The following LYPD6B variants were observed in gnomAD, a reference collection of about 807,000 sequenced individuals.
The protein encoded by LYPD6B is ly6/PLAUR domain-containing protein 6B.
In LYPD6B, 17 loss-of-function variants were observed where a neutral mutation model predicts 22.8. The ratio of observed to expected loss-of-function variants is 0.75; its 90% CI spans 0.51 to 1.12. The LOEUF is 1.12. Among genes scored for constraint, LYPD6B ranks in the 50% most tolerant of loss-of-function variants. The pLI is 0.00. For missense variants in LYPD6B, 221 were observed against 258.3 expected, an observed-to-expected ratio of 0.86 and a Z score of 0.99; for synonymous variants, 106 against 91.6, an observed-to-expected ratio of 1.16 and a Z score of -0.90.
intron 1 of LYPD6B, among the ~76,000 whole-genome samples, chr2:149,116,610 G>A (rs1356635392): frequency 5.9e-5 from 9 of 152,086 alleles, no homozygotes; most frequent in Non-Finnish European, 1.5e-5. Flanking sequence ...AATCTCTCGT[G>A]TCCTGGAAGT....
intron 2 of LYPD6B, among the ~76,000 whole-genome samples, chr2:149,132,901 T>G (rs1688122711): frequency 6.6e-6 from 1 of 152,194 alleles, no homozygotes; most frequent in South Asian, 2.1e-4. Flanking sequence ...TTTAAAAATT[T>G]TTTTCTATGG....
chr2:149,082,989 C>T (rs1685205733), intron 1 of LYPD6B, among the ~76,000 whole-genome samples: 1 of 152,178 alleles, frequency 6.6e-6, no homozygotes, highest in African/African-American at 2.4e-5. Flanking sequence ...GGACAGGAAA[C>T]CTGATGCCAG....
chr2:149,111,439 A>G (rs2105537074), intron 1 of LYPD6B, among the ~76,000 whole-genome samples: 1 of 152,088 alleles, frequency 6.6e-6, no homozygotes, highest in African/African-American at 2.4e-5. Context: ...TAGAAGTTAG[A>G]GCTAGCAGCA....
intron 1 of LYPD6B, among the ~76,000 whole-genome samples, chr2:149,058,835 G>T (rs528766524): frequency 6.6e-6 from 1 of 152,214 alleles, no homozygotes; most frequent in Admixed American, 6.5e-5. Context: ...GGCCAGGCTG[G>T]TCTTGAACTC....
chr2:149,163,563 C>T (rs1690224808), intron 3 of LYPD6B, among the ~76,000 whole-genome samples: 1 of 152,162 alleles, frequency 6.6e-6, no homozygotes, highest in Non-Finnish European at 1.5e-5. Context: ...AATGTGTTAG[C>T]TTTGTTTATA....
intron 2 of LYPD6B, among the ~76,000 whole-genome samples, chr2:149,139,488 T>G (rs749938655): frequency 6.6e-6 from 1 of 152,108 alleles, no homozygotes; most frequent in Non-Finnish European, 1.5e-5. Flanking sequence ...TAATTTTAGG[T>G]AAAGGCTGTA....
At chr2:149,108,847 T>C (rs1330310271) in intron 1 of LYPD6B, among the ~76,000 whole-genome samples, 1 of 152,184 alleles carries the variant, frequency 6.6e-6, no homozygotes, top group Non-Finnish European at 1.5e-5. Flanking sequence ...TGATTAGTTA[T>C]GCCTGTTTGT....
chr2:149,128,519 T>C (rs183946017), intron 1 of LYPD6B, among the ~76,000 whole-genome samples: 77 of 152,318 alleles, frequency 5.1e-4, no homozygotes, highest in Admixed American at 4.8e-3. Context: ...AGGATGGAAG[T>C]TGGAGATAGA....
At chr2:149,136,092 A>G (rs1688354054) in intron 2 of LYPD6B, among the ~76,000 whole-genome samples, 1 of 152,232 alleles carries the variant, frequency 6.6e-6, no homozygotes, top group South Asian at 2.1e-4. Flanking sequence ...TAGCGGCTCC[A>G]TATATGTTTA....
intron 3 of LYPD6B, among the ~76,000 whole-genome samples, chr2:149,189,369 C>CATATATATATATATACAT (rs59507620): frequency 6.5e-5 from 6 of 91,666 alleles, no homozygotes; most frequent in Non-Finnish European, 1.2e-4. Flanking sequence ...TATATATATA[C>CATATATATATATATACAT]ACACACATAT....
intron 3 of LYPD6B, among the ~76,000 whole-genome samples, chr2:149,168,456 GC>G (rs1026191361): frequency 6.6e-6 from 1 of 152,058 alleles, no homozygotes; most frequent in African/African-American, 2.4e-5. Flanking sequence ...ACTTTAACCT[GC>G]CCTTGAAATT....
Position 149,164,763 on chromosome 2 carries a change from A to G in LYPD6B, c.77+3928A>G, listed in dbSNP as rs73010483. On this transcript the variant is annotated intron_variant, in intron 3 of 6. Coordinates refer to ENST00000409642, the MANE Select transcript of LYPD6B (RefSeq NM_177964.5). ...GCCTCACTGGCCCTAGGTGGGTGAT[A>G]TAAGAGCTTGGAAACACCTTGTGAT... Among the ~76,000 whole-genome samples the G allele has an allele frequency of 3.2e-3, 482 of 152,282 alleles. 6 individuals carry two copies. The highest frequency in any genetic ancestry group is 0.011 in the African/African-American group (464 of 41,566).
At chr2:149,176,663 A>G (rs139213886) in intron 3 of LYPD6B, among the ~76,000 whole-genome samples, 281 of 152,224 alleles carry the variant, frequency 1.8e-3, no homozygotes, top group African/African-American at 6.5e-3. Flanking sequence ...TTTGATTCAC[A>G]GACTTCCAAA....
rs546416343 is a variant in LYPD6B, at chr2:149,174,314, T to C, written c.77+13479T>C. Among the ~76,000 whole-genome samples, 7 of 152,312 alleles carry C rather than the reference T, an allele frequency of 4.6e-5. No homozygotes were observed. In the East Asian group the frequency reaches 1.3e-3, roughly 29 times the overall value. ...ATGATGGTGTTTTCTAGAAAAAGGATTGTGTCATCTGCCAACAAAGATAGT... is the reference window on the plus strand; with the variant it reads ...ATGATGGTGTTTTCTAGAAAAAGGACTGTGTCATCTGCCAACAAAGATAGT... On this transcript the variant is annotated intron_variant, in intron 3 of 6. Coordinates refer to ENST00000409642, the MANE Select transcript of LYPD6B (RefSeq NM_177964.5).
chr2:149,046,749 G>C (rs1385125613), intron 1 of LYPD6B, among the ~76,000 whole-genome samples: 1 of 151,884 alleles, frequency 6.6e-6, no homozygotes, highest in Non-Finnish European at 1.5e-5. Context: ...GTATTATACT[G>C]TTTCATTTGT....
chr2:149,199,344 C>T (rs1387487588), intron 3 of LYPD6B, among the ~76,000 whole-genome samples: 2 of 152,142 alleles, frequency 1.3e-5, no homozygotes, highest in African/African-American at 4.8e-5. Context: ...ACCTAAAGCT[C>T]ATTGTTATTC....
intron 2 of LYPD6B, among the ~76,000 whole-genome samples, chr2:149,155,641 G>A (rs1040031288): frequency 2.0e-5 from 3 of 152,228 alleles, no homozygotes; most frequent in Admixed American, 1.3e-4. Flanking sequence ...CATGAGGACA[G>A]GCTAAGTGAT....
intron 3 of LYPD6B, among the ~76,000 whole-genome samples, chr2:149,190,808 T>A (rs1006072607): frequency 6.6e-6 from 1 of 152,202 alleles, no homozygotes; most frequent in East Asian, 1.9e-4. Flanking sequence ...TCTATTGTTT[T>A]AAATGTGATA....
At chr2:149,074,522 G>C (rs1333429663) in intron 1 of LYPD6B, among the ~76,000 whole-genome samples, 3 of 152,192 alleles carry the variant, frequency 2.0e-5, no homozygotes, top group Admixed American at 2.0e-4. Flanking sequence ...TGACTTCTAA[G>C]GGCACGCACA....
Sources: gnomAD v4.1 joint callset for allele counts (sites outside exome capture counted in the v4.1 genomes callset) on GRCh38, gnomAD v4.1.1 for gene constraint, MANE v1.5 for transcripts, NCBI Gene and HGNC (gene_info 2026-07-23, HGNC 2026-07-21) for gene names.